The following ANKRD11 variants were observed in gnomAD, a reference collection of about 807,000 sequenced individuals.
The protein encoded by ANKRD11 is ankyrin repeat domain 11, also known as ankyrin repeat domain-containing protein 11.
A neutral mutation model predicts 195.7 loss-of-function variants in ANKRD11; 17 were observed. That is an observed-to-expected ratio of 0.09 (90% CI 0.06 to 0.13). The LOEUF is 0.13. Among genes scored for constraint, ANKRD11 ranks in the 10% least tolerant of loss-of-function variants. ANKRD11 has a pLI of 1.00. For synonymous variants in ANKRD11, 1,953 were observed against 1,528.1 expected (o/e 1.28, Z -6.49); for missense variants, 3,735 against 3,566.1 (o/e 1.05, Z -1.21).
At chr16:89,462,069 CCT>C (rs2056694679) in intron 1 of ANKRD11, among the ~76,000 whole-genome samples, 1 of 146,058 alleles carries the variant, frequency 6.8e-6, no homozygotes, top group African/African-American at 2.5e-5. Flanking sequence ...TCCCTCTCTC[CCT>C]CTCCCTCTCC....
chr16:89,459,683 G>C (rs562211521), intron 1 of ANKRD11, among the ~76,000 whole-genome samples: 5 of 152,120 alleles, frequency 3.3e-5, no homozygotes, highest in Admixed American at 6.6e-5. Context: ...TAAAATTCAG[G>C]AACAGTGGCC....
intron 1 of ANKRD11, among the ~76,000 whole-genome samples, chr16:89,424,664 A>T (rs965795411): frequency 2.0e-5 from 3 of 152,144 alleles, no homozygotes; most frequent in Non-Finnish European, 4.4e-5. Context: ...CTCCATTTAT[A>T]TGACACTCTT....
chr16:89,451,053 C>A (rs1233488774), intron 1 of ANKRD11, among the ~76,000 whole-genome samples: 1 of 152,138 alleles, frequency 6.6e-6, no homozygotes, highest in Non-Finnish European at 1.5e-5. Context: ...CCATACACAG[C>A]CATGCTTTTG....
intron 1 of ANKRD11, among the ~76,000 whole-genome samples, chr16:89,485,348 A>C (rs1305153919): frequency 6.6e-6 from 1 of 151,018 alleles, no homozygotes; most frequent in Non-Finnish European, 1.5e-5. Flanking sequence ...AAAAACACTA[A>C]CTGGGAGTGG....
At chr16:89,457,786 C>T (rs2056502477) in intron 1 of ANKRD11, among the ~76,000 whole-genome samples, 1 of 152,052 alleles carries the variant, frequency 6.6e-6, no homozygotes, top group Non-Finnish European at 1.5e-5. Context: ...CAAACTCATC[C>T]TACTGTACCT....
At chr16:89,441,048 T>C (rs1436886547) in intron 1 of ANKRD11, among the ~76,000 whole-genome samples, 1 of 151,932 alleles carries the variant, frequency 6.6e-6, no homozygotes, top group African/African-American at 2.4e-5. Flanking sequence ...CCATCCTGGC[T>C]AACACCGTGA....
intron 3 of ANKRD11, among the ~76,000 whole-genome samples, chr16:89,315,413 G>A (rs1004958000): frequency 2.0e-5 from 3 of 151,856 alleles, no homozygotes; most frequent in African/African-American, 7.3e-5. Flanking sequence ...CTGCCCTTGC[G>A]CCTTTCTGCC....
intron 1 of ANKRD11, among the ~76,000 whole-genome samples, chr16:89,446,895 C>A (rs542556785): frequency 6.6e-6 from 1 of 152,230 alleles, no homozygotes; most frequent in East Asian, 1.9e-4. Flanking sequence ...TGTCACCCTG[C>A]CACACACCCT....
At chr16:89,329,800 G>A (rs2037949138) in intron 2 of ANKRD11, among the ~76,000 whole-genome samples, 1 of 152,104 alleles carries the variant, frequency 6.6e-6, no homozygotes, top group Admixed American at 6.5e-5. Context: ...CTTGAGGTCA[G>A]GAGTTCGAAA....
chr16:89,422,018 T>G (rs1249647997), intron 1 of ANKRD11: 2 of 152,204 alleles, frequency 1.3e-5, no homozygotes, highest in Non-Finnish European at 2.9e-5. Flanking sequence ...TCTCTCTGAA[T>G]GGTGGAGCAA....
intron 1 of ANKRD11, among the ~76,000 whole-genome samples, chr16:89,438,611 G>C (rs566099492): frequency 6.6e-6 from 1 of 152,090 alleles, no homozygotes; most frequent in Non-Finnish European, 1.5e-5. Flanking sequence ...GGGATTACAG[G>C]TATGAGCCAC....
chr16:89,268,984 G>A (rs746391051), intron 12 of ANKRD11, among the ~76,000 whole-genome samples: 6 of 152,242 alleles, frequency 3.9e-5, no homozygotes, highest in Admixed American at 1.3e-4. Context: ...TATTAGAATC[G>A]AACAGCTTTG....
chr16:89,276,639 C>T (rs1567547235), intron 9 of ANKRD11, among the ~76,000 whole-genome samples: 2 of 152,340 alleles, frequency 1.3e-5, no homozygotes, highest in East Asian at 3.9e-4. Flanking sequence ...AGCGTGGACG[C>T]ACGGCAGGGT....
At chr16:89,474,858 T>C (rs146700389) in intron 1 of ANKRD11, among the ~76,000 whole-genome samples, 253 of 152,360 alleles carry the variant, frequency 1.7e-3, no homozygotes, top group African/African-American at 5.9e-3. Flanking sequence ...ACATGTATCA[T>C]CCAAATAAAA....
chr16:89,368,202 CT>C (rs796397106), intron 2 of ANKRD11, among the ~76,000 whole-genome samples: 121 of 144,468 alleles, frequency 8.4e-4, no homozygotes, highest in Non-Finnish European at 7.7e-4. Context: ...TGTTTTCGAG[CT>C]TTTTTTTTTT....
At chr16:89,399,514 C>T (rs1352897684) in intron 2 of ANKRD11, among the ~76,000 whole-genome samples, 3 of 152,060 alleles carry the variant, frequency 2.0e-5, no homozygotes, top group African/African-American at 7.2e-5. Flanking sequence ...GAGGGAGGGA[C>T]GGAGGGATGT....
chr16:89,464,346 C>G (rs753297480), intron 1 of ANKRD11, among the ~76,000 whole-genome samples: 2 of 151,914 alleles, frequency 1.3e-5, no homozygotes, highest in Non-Finnish European at 2.9e-5. Flanking sequence ...TGGTGGCTCA[C>G]GCCTGTAATC....
At chr16:89,322,426 A>C (rs1230415499) in intron 2 of ANKRD11, among the ~76,000 whole-genome samples, 4 of 152,222 alleles carry the variant, frequency 2.6e-5, no homozygotes, top group Admixed American at 2.6e-4. Context: ...TGACCATTTA[A>C]ATATCGAATG....
chr16:89,319,962 C>A (rs2037203523), intron 2 of ANKRD11: 1 of 152,382 alleles, frequency 6.6e-6, no homozygotes, highest in Non-Finnish European at 1.5e-5. Flanking sequence ...AGGCTCAGGG[C>A]TGGTCAGCCT....
Sources: gnomAD v4.1 joint callset for allele counts (sites outside exome capture counted in the v4.1 genomes callset) on GRCh38, gnomAD v4.1.1 for gene constraint, MANE v1.5 for transcripts, NCBI Gene and HGNC (gene_info 2026-07-23, HGNC 2026-07-21) for gene names.